The following PCDHA11 variants were observed in gnomAD, a reference collection of about 807,000 sequenced individuals.
PCDHA11 encodes protocadherin alpha-11.
PCDHA11 carries 61 observed loss-of-function variants against 70.3 expected under a neutral mutation model. That is an observed-to-expected ratio of 0.87 (90% CI 0.71 to 1.07). The LOEUF (loss-of-function observed/expected upper bound fraction) is 1.07, where lower values mean the gene tolerates loss of function less well. Ranked by LOEUF, PCDHA11 falls within the 50% of genes least tolerant of loss-of-function variation. PCDHA11 has a pLI of 0.00. For missense variants in PCDHA11, 1,324 were observed against 1,237.5 expected (o/e 1.07, Z -1.05); for synonymous variants, 633 against 555.1 (o/e 1.14, Z -1.97).
intron 1 of PCDHA11, 166 bp from the exon 2 acceptor site, chr5:140,978,783 A>G: frequency 1.0e-6 from 1 of 972,136 alleles, no homozygotes. Context: ...TTTCTTCTAA[A>G]GTGCTATATA....
intron 1 of PCDHA11, among the ~76,000 whole-genome samples, chr5:140,899,683 T>A (rs1554188699): frequency 6.6e-6 from 1 of 152,222 alleles, no homozygotes; most frequent in African/African-American, 2.4e-5. Flanking sequence ...ATCAGGATGA[T>A]GCTGGCCTCA....
rs1322777523 is a variant in PCDHA11 at position 140,961,683 on chromosome 5, A to G, written c.2392-17266A>G. Among the ~76,000 whole-genome samples, 6 of 152,224 alleles carry G rather than the reference A, an allele frequency of 3.9e-5. No homozygotes were observed. The East Asian group carries it at 1.2e-3, about 29-fold the overall frequency. ...AGTTACCAGTTTTTAATTAAGCCGGAGTAGTCCTTAGTATGAATGCCTTCA... is the reference window on the plus strand; with the variant it reads ...AGTTACCAGTTTTTAATTAAGCCGGGGTAGTCCTTAGTATGAATGCCTTCA... On this transcript the variant is annotated intron_variant, in intron 1 of 3. Transcript: ENST00000398640.
At chr5:140,933,212 T>C (rs2088935461) in intron 1 of PCDHA11, among the ~76,000 whole-genome samples, 1 of 151,682 alleles carries the variant, frequency 6.6e-6, no homozygotes, top group African/African-American at 2.4e-5. Context: ...ATTACATGTC[T>C]GTTATATTGC....
In PCDHA11 at chr5:140,882,158, C is replaced by T. The variant is rs2058980027; in HGVS notation, c.2391+10664C>T. ...GAAAATATAGCAGAAAGCGGAATAC[C>T]TCTTGCGAATCCTTCCGCACTAGGA... On this transcript the variant is annotated intron_variant, in intron 1 of 3. Coordinates refer to ENST00000398640, the MANE Select transcript of PCDHA11 (RefSeq NM_018902.5). The T allele has an allele frequency of 4.6e-6, 7 of 1,507,380 alleles. No homozygotes were observed. The South Asian group carries it at 8.2e-5, about 18-fold the overall frequency. 93.4% of individuals were successfully genotyped at this position (1,507,380 alleles called of 1,614,324 possible). A position where few individuals can be genotyped will look rare whatever the true frequency, so the allele number is the denominator to read the frequency against.
chr5:140,985,739 C>CTTTT (rs11372071), intron 3 of PCDHA11, among the ~76,000 whole-genome samples: 9 of 117,918 alleles, frequency 7.6e-5, no homozygotes, highest in East Asian at 2.5e-4. Flanking sequence ...TGATGAATTC[C>CTTTT]TTTTTTTTTT....
Position 141,010,090 on chromosome 5 carries a change from C to A in PCDHA11, c.*153C>A. On this transcript the variant is annotated 3_prime_UTR_variant, in exon 4 of 4. Transcript: ENST00000398640. ...AAGTTCCCTGTGTCTGTCTAGAACG[C>A]ATTTAACAGGTTTTGTCGTAAAAGC... 1 of 1,612,636 alleles carries A rather than the reference C, an allele frequency of 6.2e-7. No homozygotes were observed. Among genetic ancestry groups the A allele is most frequent in the Non-Finnish European group, 8.5e-7 (1 of 1,179,276 alleles).
chr5:140,993,368 T>A (rs1354951477), intron 3 of PCDHA11, among the ~76,000 whole-genome samples: 2 of 151,944 alleles, frequency 1.3e-5, no homozygotes, highest in Middle Eastern at 6.8e-3. Flanking sequence ...AAAAACTACC[T>A]CCCAGCCGGG....
At chr5:140,873,592 T>G (rs936003894) in intron 1 of PCDHA11, among the ~76,000 whole-genome samples, 1 of 152,234 alleles carries the variant, frequency 6.6e-6, no homozygotes, top group African/African-American at 2.4e-5. Flanking sequence ...TAAGCTAAAC[T>G]TAGATGTTCC....
chr5:140,869,445 G>T lies in PCDHA11; in HGVS notation c.342G>T (p.Leu114=). 1.2e-6 allele frequency: 2 copies of T among 1,614,232 alleles called. No homozygotes were observed. The highest frequency in any genetic ancestry group is 1.7e-6 in the Non-Finnish European group (2 of 1,180,038). ...IHLEVIVDRP[L]QVFHVNVEVK... ...TGGAGGTGATCGTGGACAGGCCGCT[G>T]CAGGTTTTCCATGTGAACGTGGAGG... is the stretch of plus-strand genomic sequence containing the variant. The change falls in exon 1 of 4, where the codon CTG becomes CTT. Residue 114 remains leucine, a synonymous_variant. Coordinates refer to ENST00000398640, the MANE Select transcript of PCDHA11 (RefSeq NM_018902.5).
chr5:140,928,452 G>A (rs1284379241), intron 1 of PCDHA11: 1 of 1,614,008 alleles, frequency 6.2e-7, no homozygotes, highest in Non-Finnish European at 8.5e-7. Flanking sequence ...AGCTCAGGGG[G>A]TTTCATTTCC....
intron 1 of PCDHA11, among the ~76,000 whole-genome samples, chr5:140,954,419 T>TG (rs1413660060): frequency 1.3e-5 from 2 of 151,998 alleles, no homozygotes; most frequent in African/African-American, 4.8e-5. Context: ...AAGGTGTTCC[T>TG]TTTTCTCCAT....
chr5:140,883,147 T>C, intron 1 of PCDHA11: 2 of 1,614,064 alleles, frequency 1.2e-6, no homozygotes, highest in Non-Finnish European at 1.7e-6. Context: ...TATATGCATT[T>C]ACCATAAATC....
chr5:140,930,668 T>C (rs2087022080), intron 1 of PCDHA11, among the ~76,000 whole-genome samples: 1 of 152,216 alleles, frequency 6.6e-6, no homozygotes, highest in South Asian at 2.1e-4. Flanking sequence ...GTTTTACTAT[T>C]CTAGGCAATA....
chr5:141,001,126 C>A (rs2097993222), intron 3 of PCDHA11, among the ~76,000 whole-genome samples: 1 of 151,970 alleles, frequency 6.6e-6, no homozygotes, highest in African/African-American at 2.4e-5. Context: ...AGTCCTTAAA[C>A]AAATGAATCT....
chr5:140,877,850 A>C (rs782804856), intron 1 of PCDHA11: 1 of 1,546,004 alleles, frequency 6.5e-7, no homozygotes, highest in South Asian at 1.3e-5. Context: ...GTAAGTTATT[A>C]ATATTATTTA....
chr5:140,961,887 GTTT>G (rs35680913), intron 1 of PCDHA11, among the ~76,000 whole-genome samples: 1 of 143,934 alleles, frequency 6.9e-6, no homozygotes. Context: ...ACTTACATCA[GTTT>G]TTTTTTTTTT....
chr5:140,924,926 T>A (rs1554202369), intron 1 of PCDHA11, among the ~76,000 whole-genome samples: 1 of 119,426 alleles, frequency 8.4e-6, no homozygotes, highest in African/African-American at 3.1e-5. Flanking sequence ...TAAAATAAAA[T>A]AAAATAAAAT....
rs1554165004 is a variant in PCDHA11, at chr5:140,871,032, C to G, written c.1929C>G (p.Arg643=). 6.2e-7 allele frequency: 1 copy of G among 1,613,304 alleles called. No individual in the cohort carries two copies. The change falls in exon 1 of 4, where the codon CGC becomes CGG. Residue 643 remains arginine (R), a synonymous_variant. Coordinates refer to ENST00000398640, the MANE Select transcript of PCDHA11 (RefSeq NM_018902.5). The part of the protein sequence containing the change: ...TRALDEADSP[R]HRLLVLVKDH... Reference sequence around the variant, plus strand: ...CCCTGGACGAGGCAGACTCGCCGCGCCACCGACTTCTAGTACTGGTGAAGG... The same window carrying G: ...CCCTGGACGAGGCAGACTCGCCGCGGCACCGACTTCTAGTACTGGTGAAGG...
chr5:140,946,517 G>A (rs138420578), intron 1 of PCDHA11, among the ~76,000 whole-genome samples: 8 of 151,024 alleles, frequency 5.3e-5, no homozygotes, highest in Admixed American at 1.3e-4. Flanking sequence ...AGACCTATCC[G>A]CACTCCCATG....
Sources: allele counts gnomAD v4.1 joint callset (sites outside exome capture counted in the v4.1 genomes callset), GRCh38; gene constraint gnomAD v4.1.1; transcripts MANE v1.5; gene names NCBI Gene and HGNC (gene_info 2026-07-23, HGNC 2026-07-21).